ZNF573: variants seen among roughly 807,000 people sequenced by gnomAD.
ZNF573 encodes the protein zinc finger protein 573.
Under a neutral mutation model 57.4 loss-of-function variants are expected in ZNF573, and 41 were observed. The observed-to-expected ratio is 0.71, with a 90% confidence interval of 0.56 to 0.93. The LOEUF is 0.93. Among genes scored for constraint, ZNF573 ranks in the 40% least tolerant of loss-of-function variants. ZNF573 has a pLI of 0.00. For missense variants in ZNF573, 730 were observed against 794.8 expected (o/e 0.92, Z 0.98); for synonymous variants, 249 against 261.0 (o/e 0.95, Z 0.44).
Position 37,739,791 on chromosome 19 carries a change from A to T in ZNF573, c.699T>A (p.Ile233=), listed in dbSNP as rs1432697182. Residue 233 remains isoleucine, a synonymous_variant, in exon 5 of 5, where the codon ATT becomes ATA. Transcript: ENST00000536220. The part of the protein sequence containing the change: ...CGKAFIYASH[I]VQHERIHTGG... The stretch of plus-strand genomic sequence containing the variant: ...CAGTGTGAATTCTCTCATGTTGAAC[A>T]ATGTGTGAGGCATATATAAAGGCCT... 3 of 1,613,744 alleles carry T rather than the reference A, an allele frequency of 1.9e-6. No individual in the cohort carries two copies. In the African/African-American group the frequency reaches 4.0e-5, roughly 22 times the overall value.
At chr19:37,750,109 G>GTC (rs1366274836) in intron 4 of ZNF573, among the ~76,000 whole-genome samples, 1 of 149,252 alleles carries the variant, frequency 6.7e-6, no homozygotes, top group Non-Finnish European at 1.5e-5. Flanking sequence ...TTGAGATGGA[G>GTC]TCTCCCTTTG....
chr19:37,764,299 G>C (rs1002275629), intron 4 of ZNF573, among the ~76,000 whole-genome samples: 8 of 150,732 alleles, frequency 5.3e-5, no homozygotes, highest in South Asian at 2.1e-4. Flanking sequence ...TGTATACTTA[G>C]AGTTTTTTTT....
chr19:37,747,094 G>T (rs909932454), intron 4 of ZNF573, among the ~76,000 whole-genome samples: 7 of 151,786 alleles, frequency 4.6e-5, no homozygotes, highest in African/African-American at 1.7e-4. Flanking sequence ...AACGGTATGG[G>T]TGGCAAAAGA....
intron 4 of ZNF573, among the ~76,000 whole-genome samples, chr19:37,743,092 G>A (rs1004987441): frequency 2.6e-5 from 4 of 152,162 alleles, no homozygotes; most frequent in Non-Finnish European, 5.9e-5. Flanking sequence ...GCCAAGGCGG[G>A]TGGATCACGA....
rs71177476 is a variant in ZNF573 at position 37,778,045 on chromosome 19, A to AAAG, written c.-23+1498_-23+1499insCTT. On this transcript the variant is annotated intron_variant, in intron 1 of 4. Coordinates refer to ENST00000536220, the MANE Select transcript of ZNF573 (RefSeq NM_001172690.2). Reference sequence around the variant, plus strand: ...GTCTCAAAAAAAAAAAAAAAAAAAAAGTAATATTTAAGAGGTGGTCTCTTG... The same window carrying AAAG: ...GTCTCAAAAAAAAAAAAAAAAAAAAAAAGGTAATATTTAAGAGGTGGTCTCTTG... Among the ~76,000 whole-genome samples the AAAG allele has an allele frequency of 5.2e-4, 72 of 138,178 alleles. 3 individuals are homozygous for AAAG. Among genetic ancestry groups the AAAG allele is most frequent in the Non-Finnish European group, 5.5e-4 (34 of 62,336 alleles). 90.7% of individuals were successfully genotyped at this position (138,178 alleles called of 152,430 possible).
At chr19:37,765,486 G>A (rs534772051) in intron 4 of ZNF573, among the ~76,000 whole-genome samples, 25 of 152,128 alleles carry the variant, frequency 1.6e-4, no homozygotes, top group South Asian at 2.1e-4. Flanking sequence ...CGAGGCAGGC[G>A]GATCACGGGA....
intron 4 of ZNF573, among the ~76,000 whole-genome samples, chr19:37,755,021 G>A (rs549028832): frequency 3.5e-4 from 53 of 152,080 alleles, no homozygotes; most frequent in Admixed American, 8.5e-4. Context: ...CCAGGCTGGA[G>A]TGCAGTGGCT....
At chr19:37,753,178 C>CAGAT in intron 4 of ZNF573, among the ~76,000 whole-genome samples, 1 of 152,158 alleles carries the variant, frequency 6.6e-6, no homozygotes, top group South Asian at 2.1e-4. Flanking sequence ...TATTAGTGTA[C>CAGAT]ATCTATTCAT....
intron 2 of ZNF573, chr19:37,772,932 G>A (rs1350313813): frequency 3.6e-5 from 35 of 985,124 alleles, no homozygotes; most frequent in Non-Finnish European, 4.2e-5. Context: ...ACCGTAGCTA[G>A]CCTACCTTCA....
At chr19:37,774,112 CAA>C in intron 1 of ZNF573, among the ~76,000 whole-genome samples, 1 of 139,570 alleles carries the variant, frequency 7.2e-6, no homozygotes, top group Non-Finnish European at 1.5e-5. Flanking sequence ...ACTTATCGTT[CAA>C]ACTAGAAGCT....
chr19:37,767,445 G>A (rs1210185757), intron 4 of ZNF573, among the ~76,000 whole-genome samples: 2 of 152,060 alleles, frequency 1.3e-5, no homozygotes, highest in African/African-American at 4.8e-5. Flanking sequence ...GTTTTAGCCA[G>A]GATGGTCTCG....
rs3752365 is a variant in ZNF573, at chr19:37,739,819, C to A, written c.671G>T (p.Gly224Val). Residue 224 changes from glycine to valine, a missense_variant, in exon 5 of 5, where the codon GGG (glycine) becomes GTG (valine). Coordinates refer to ENST00000536220, the MANE Select transcript of ZNF573 (RefSeq NM_001172690.2). Reference sequence around the variant, plus strand: ...GTGTGAGGCATATATAAAGGCCTTCCCACACTGCCTACATTCATAGGTTTT... The same window carrying A: ...GTGTGAGGCATATATAAAGGCCTTCACACACTGCCTACATTCATAGGTTTT... ...GEKTYECRQC[G>V]KAFIYASHIV... 5 of 1,613,946 alleles carry A rather than the reference C, an allele frequency of 3.1e-6. No individual in the cohort carries two copies. The highest frequency in any genetic ancestry group is 4.2e-6 in the Non-Finnish European group (5 of 1,179,974).
At chr19:37,766,473 C>T (rs1276860554) in intron 4 of ZNF573, among the ~76,000 whole-genome samples, 4 of 152,202 alleles carry the variant, frequency 2.6e-5, no homozygotes, top group Non-Finnish European at 5.9e-5. Context: ...AAAGATCCAT[C>T]AACTCTTAAA....
At chr19:37,760,660 A>G (rs1235269469) in intron 4 of ZNF573, among the ~76,000 whole-genome samples, 1 of 151,594 alleles carries the variant, frequency 6.6e-6, no homozygotes, top group East Asian at 2.0e-4. Flanking sequence ...CGTCTCTACT[A>G]AAAATACAAA....
At chr19:37,775,974 G>A (rs1224060564) in intron 1 of ZNF573, among the ~76,000 whole-genome samples, 1 of 152,060 alleles carries the variant, frequency 6.6e-6, no homozygotes, top group African/African-American at 2.4e-5. Flanking sequence ...ACTGCTGAAG[G>A]AAATCATAGA....
intron 4 of ZNF573, among the ~76,000 whole-genome samples, chr19:37,764,028 A>G (rs1429000059): frequency 6.8e-6 from 1 of 146,188 alleles, no homozygotes; most frequent in Non-Finnish European, 1.5e-5. Context: ...GCACCTTTTC[A>G]CTCCAGCCAG....
At chr19:37,769,517 G>C (rs1290038138) in intron 4 of ZNF573, among the ~76,000 whole-genome samples, 1 of 132,306 alleles carries the variant, frequency 7.6e-6, no homozygotes, top group African/African-American at 2.8e-5. Flanking sequence ...CACGAGGTCA[G>C]GAGTTCAAGA....
chr19:37,748,426 G>C (rs1160837441), intron 4 of ZNF573, among the ~76,000 whole-genome samples: 2 of 152,040 alleles, frequency 1.3e-5, no homozygotes, highest in African/African-American at 4.8e-5. Context: ...AGTGGTCTTT[G>C]TTTGGTTGGT....
intron 4 of ZNF573, among the ~76,000 whole-genome samples, chr19:37,751,982 A>C (rs2045441573): frequency 7.0e-6 from 1 of 143,004 alleles, no homozygotes; most frequent in East Asian, 2.0e-4. Context: ...TATATAGTAC[A>C]TAGTACCGTA....
Sources: gnomAD v4.1 joint callset for allele counts (sites outside exome capture counted in the v4.1 genomes callset) on GRCh38, gnomAD v4.1.1 for gene constraint, MANE v1.5 for transcripts, NCBI Gene and HGNC (gene_info 2026-07-23, HGNC 2026-07-21) for gene names.